SLC9C1: variants seen among roughly 807,000 people sequenced by gnomAD.
SLC9C1 encodes the protein solute carrier family 9 member C1, also known as sodium/hydrogen exchanger 10.
In SLC9C1, 97 loss-of-function variants were observed where a neutral mutation model predicts 140.9. That is an observed-to-expected ratio of 0.69 (90% CI 0.58 to 0.82). SLC9C1 has a LOEUF of 0.82. SLC9C1 is among the 40% of genes least tolerant of loss of function. SLC9C1 has a pLI of 0.00. For missense variants in SLC9C1, 1,340 were observed against 1,389.3 expected (o/e 0.96, Z 0.56); for synonymous variants, 440 against 442.6 (o/e 0.99, Z 0.07).
chr3:112,176,373 CTA>C (rs2077336706), intron 23 of SLC9C1, among the ~76,000 whole-genome samples: 1 of 152,192 alleles, frequency 6.6e-6, no homozygotes, highest in African/African-American at 2.4e-5. Flanking sequence ...GTTGAAAGTG[CTA>C]TGTTTACTTG....
intron 15 of SLC9C1, among the ~76,000 whole-genome samples, chr3:112,214,376 G>A (rs555844623): frequency 5.9e-5 from 9 of 151,992 alleles, no homozygotes; most frequent in Admixed American, 2.6e-4. Flanking sequence ...AACTGAAGGA[G>A]ATAGAGACAC....
At chr3:112,271,393 G>GTATGTATATATATATATATA (rs2080070097) in intron 6 of SLC9C1, among the ~76,000 whole-genome samples, 1 of 125,574 alleles carries the variant, frequency 8.0e-6, no homozygotes, top group African/African-American at 2.7e-5. Context: ...ATTCTACATT[G>GTATGTATATATATATATATA]TATATATATA....
chr3:112,203,629 A>T (rs1335960663), intron 17 of SLC9C1, among the ~76,000 whole-genome samples: 1 of 152,026 alleles, frequency 6.6e-6, no homozygotes, highest in African/African-American at 2.4e-5. Context: ...AGTGAAAAAG[A>T]TAGGAAAGAG....
At chr3:112,277,133 T>C (rs977186508) in intron 5 of SLC9C1, among the ~76,000 whole-genome samples, 1 of 152,154 alleles carries the variant, frequency 6.6e-6, no homozygotes, top group African/African-American at 2.4e-5. Flanking sequence ...TGAGGCTTTT[T>C]ATTTTTGTTT....
intron 10 of SLC9C1, among the ~76,000 whole-genome samples, chr3:112,258,860 G>A (rs760024294): frequency 6.6e-6 from 1 of 152,090 alleles, no homozygotes; most frequent in African/African-American, 2.4e-5. Context: ...TTACAATCAC[G>A]GCAGAAGGCA....
chr3:112,176,740 C>T (rs1309495414), intron 23 of SLC9C1, among the ~76,000 whole-genome samples: 1 of 152,104 alleles, frequency 6.6e-6, no homozygotes, highest in African/African-American at 2.4e-5. Flanking sequence ...TTACAATTTG[C>T]TTGAGTGAAT....
At chr3:112,233,847 A>C (rs1390154574) in intron 12 of SLC9C1, among the ~76,000 whole-genome samples, 1 of 152,062 alleles carries the variant, frequency 6.6e-6, no homozygotes, top group African/African-American at 2.4e-5. Context: ...TCCATGGTGT[A>C]TATGTGCCAC....
In SLC9C1 at chr3:112,204,517, T is replaced by C. The variant is rs975717852; in HGVS notation, c.1987-114A>G. On this transcript the variant is annotated intron_variant, in intron 16 of 28. Coordinates refer to ENST00000305815, the MANE Select transcript of SLC9C1 (RefSeq NM_183061.3). ...TTTTCTCTTATCTACTCCACATGTA[T>C]GAAATATCCTCAGGAAACCAAAATC... is the stretch of plus-strand genomic sequence containing the variant. The C allele has an allele frequency of 6.1e-6, 7 of 1,151,136 alleles. No homozygotes were observed. The African/African-American group carries it at 1.1e-4, about 19-fold the overall frequency. 71.3% of individuals were successfully genotyped at this position (1,151,136 alleles called of 1,614,324 possible). A position where few individuals can be genotyped will look rare whatever the true frequency, so the allele number is the denominator to read the frequency against.
chr3:112,286,642 A>G, intron 2 of SLC9C1, 62 bp downstream of exon 2: 1 of 1,384,346 alleles, frequency 7.2e-7, no homozygotes, highest in Non-Finnish European at 1.0e-6. Context: ...TTAATTCTAT[A>G]TGGTAGCATT....
chr3:112,143,914 G>A (rs1490422816), intron 28 of SLC9C1, among the ~76,000 whole-genome samples: 2 of 152,038 alleles, frequency 1.3e-5, no homozygotes, highest in Non-Finnish European at 1.5e-5. Flanking sequence ...TTTTGTATAT[G>A]GTGAAAGGTA....
At chr3:112,195,980 A>G (rs1173086755) in intron 20 of SLC9C1, among the ~76,000 whole-genome samples, 1 of 152,104 alleles carries the variant, frequency 6.6e-6, no homozygotes, top group Non-Finnish European at 1.5e-5. Flanking sequence ...CTATGTATTT[A>G]CCTTTACTGA....
Position 112,173,556 on chromosome 3 carries a change from G to A in SLC9C1, c.2920-4228C>T, listed in dbSNP as rs932372097. On this transcript the variant is annotated intron_variant, in intron 23 of 28. Coordinates refer to ENST00000305815, the MANE Select transcript of SLC9C1 (RefSeq NM_183061.3). ...TATTTGCTTTTCTGTTCCTGTGTTAGTTTGCTAAGGATAATAGTGTCCACC... is the reference window on the plus strand; with the variant it reads ...TATTTGCTTTTCTGTTCCTGTGTTAATTTGCTAAGGATAATAGTGTCCACC... 4.6e-5 allele frequency among the ~76,000 whole-genome samples: 7 copies of A among 152,182 alleles called. 1 individual carries two copies. The highest frequency in any genetic ancestry group is 4.6e-4 in the Admixed American group (7 of 15,282).
chr3:112,206,164 C>CA (rs2078041541), intron 16 of SLC9C1, among the ~76,000 whole-genome samples: 2 of 130,610 alleles, frequency 1.5e-5, no homozygotes. Flanking sequence ...AAGAAAAAAA[C>CA]AACCCCATCA....
At chr3:112,143,908 G>A (rs2074706798) in intron 28 of SLC9C1, among the ~76,000 whole-genome samples, 1 of 152,032 alleles carries the variant, frequency 6.6e-6, no homozygotes, top group Admixed American at 6.5e-5. Context: ...GTGAATTTTT[G>A]TATATGGTGA....
chr3:112,211,992 A>T (rs2078221588), intron 15 of SLC9C1, among the ~76,000 whole-genome samples: 1 of 152,122 alleles, frequency 6.6e-6, no homozygotes, highest in Non-Finnish European at 1.5e-5. Context: ...AGGCCGAGTA[A>T]CCCTCTGAGA....
At chr3:112,217,964 G>C (rs2078431169) in intron 14 of SLC9C1, among the ~76,000 whole-genome samples, 1 of 152,132 alleles carries the variant, frequency 6.6e-6, no homozygotes, top group Non-Finnish European at 1.5e-5. Flanking sequence ...ACCAATGTTA[G>C]GCTGGGATAA....
chr3:112,246,697 G>A (rs2079294832), intron 10 of SLC9C1, among the ~76,000 whole-genome samples: 1 of 152,108 alleles, frequency 6.6e-6, no homozygotes, highest in Admixed American at 6.6e-5. Context: ...AAAGAAAAAA[G>A]GCACAGAGGA....
Position 112,236,858 on chromosome 3 carries a change from A to C in SLC9C1, c.1446+2982T>G, listed in dbSNP as rs145654305. 1.0e-3 allele frequency among the ~76,000 whole-genome samples: 159 copies of C among 152,200 alleles called. 2 individuals carry two copies. In the East Asian group the frequency reaches 0.027, roughly 26 times the overall value. Reference sequence around the variant, plus strand: ...ATTGTTGTGATTTCTCTTCTTTTACATTTGCTGAGGAGTGCTTTACTTCCA... The same window carrying C: ...ATTGTTGTGATTTCTCTTCTTTTACCTTTGCTGAGGAGTGCTTTACTTCCA... On this transcript the variant is annotated intron_variant, in intron 12 of 28. Transcript: ENST00000305815.
chr3:112,268,686 TTAATC>T (rs1463111383), intron 7 of SLC9C1, among the ~76,000 whole-genome samples: 2 of 152,236 alleles, frequency 1.3e-5, no homozygotes, highest in East Asian at 1.9e-4. Flanking sequence ...AATGTCGTGA[TTAATC>T]TAACCATTTT....
Sources: gnomAD v4.1 joint callset for allele counts (sites outside exome capture counted in the v4.1 genomes callset) on GRCh38, gnomAD v4.1.1 for gene constraint, MANE v1.5 for transcripts, NCBI Gene and HGNC (gene_info 2026-07-23, HGNC 2026-07-21) for gene names.